The following TBPL1 variants were observed in gnomAD, a reference collection of about 807,000 sequenced individuals.
TBPL1 encodes TATA box-binding protein-like 1.
A neutral mutation model predicts 22.1 loss-of-function variants in TBPL1; 4 were observed. The observed-to-expected ratio is 0.18, with a 90% CI of 0.09 to 0.41. TBPL1 has a LOEUF of 0.41. Ranked by LOEUF, TBPL1 falls within the 10% of genes least tolerant of loss-of-function variation. The pLI is 1.00. For missense variants in TBPL1, 115 were observed against 222.3 expected, an observed-to-expected ratio of 0.52 and a Z score of 3.07; for synonymous variants, 64 against 71.0, an observed-to-expected ratio of 0.90 and a Z score of 0.50.
chr6:133,967,161 A>G (rs1163226164), intron 1 of TBPL1, among the ~76,000 whole-genome samples: 3 of 152,112 alleles, frequency 2.0e-5, no homozygotes, highest in African/African-American at 7.2e-5. Flanking sequence ...TGTTTCCTGA[A>G]CCGAGTCTGT....
upstream of TBPL1, chr6:133,952,657 A>C (rs532475803): frequency 2.6e-5 from 4 of 152,282 alleles, no homozygotes; most frequent in East Asian, 5.8e-4. This position sits in a 1 kb window ranked among gnomAD's most constrained non-coding sequence, Gnocchi z 4.5. Context: ...TCGCGACATC[A>C]TAAATTAACG....
chr6:133,982,704 A>G, intron 3 of TBPL1, 54 bp downstream of exon 3: 1 of 1,597,074 alleles, frequency 6.3e-7, no homozygotes, highest in South Asian at 1.1e-5. Context: ...CCTCATGGAA[A>G]GGACATTTTC....
chr6:133,975,184 G>A (rs1046836805), intron 1 of TBPL1, among the ~76,000 whole-genome samples: 14 of 152,002 alleles, frequency 9.2e-5, no homozygotes, highest in Admixed American at 8.5e-4. Context: ...CAAGATTGAC[G>A]AGAGCAATAA....
At chr6:133,969,406 C>T (rs1776180047) in intron 1 of TBPL1, among the ~76,000 whole-genome samples, 1 of 151,832 alleles carries the variant, frequency 6.6e-6, no homozygotes, top group Non-Finnish European at 1.5e-5. Context: ...TGAATGCTAC[C>T]TGCTTAACAG....
At chr6:133,984,198 G>C (rs570067243) in intron 4 of TBPL1, among the ~76,000 whole-genome samples, 178 bp from the exon 5 acceptor site, 1 of 152,072 alleles carries the variant, frequency 6.6e-6, no homozygotes, top group African/African-American at 2.4e-5. Flanking sequence ...GAGTTTTTGA[G>C]CTTTTTAAAA....
chr6:133,963,267 A>G (rs1242301963), intron 1 of TBPL1, among the ~76,000 whole-genome samples: 6 of 152,220 alleles, frequency 3.9e-5, no homozygotes, highest in African/African-American at 1.4e-4. Context: ...TAATTACCCT[A>G]TGATGGTGTT....
At chr6:133,954,226 C>A (rs993246686) in intron 1 of TBPL1, among the ~76,000 whole-genome samples, 1 of 152,192 alleles carries the variant, frequency 6.6e-6, no homozygotes, top group African/African-American at 2.4e-5. Context: ...CTGTCACCTG[C>A]AGTTCCAAAG....
rs9493788 is a variant in TBPL1 at position 133,985,345 on chromosome 6, T to C, written c.481+674T>C. Among the ~76,000 whole-genome samples, 881 of 122,584 alleles carry C rather than the reference T, an allele frequency of 7.2e-3. 73 individuals carry two copies. Among genetic ancestry groups the C allele is most frequent in the African/African-American group, 0.027 (824 of 30,350 alleles). 80.4% of individuals were successfully genotyped at this position (122,584 alleles called of 152,430 possible). On this transcript the variant is annotated intron_variant, in intron 6 of 6. Coordinates refer to ENST00000237264, the MANE Select transcript of TBPL1 (RefSeq NM_004865.4). ...ATATATATATATATATATACACACA[T>C]ATATTTTCTGGTATATGTATCCATA... is the stretch of plus-strand genomic sequence containing the variant.
intron 1 of TBPL1, among the ~76,000 whole-genome samples, chr6:133,961,561 C>T (rs779065878): frequency 1.3e-4 from 19 of 150,948 alleles, no homozygotes; most frequent in Non-Finnish European, 2.2e-4. Context: ...CTCCGCCTCC[C>T]GAGTTCAAGC....
intron 6 of TBPL1, chr6:133,985,868 T>A (rs1385137780): frequency 6.6e-6 from 1 of 152,198 alleles, no homozygotes; most frequent in Non-Finnish European, 1.5e-5. Context: ...CGAGTCTGTT[T>A]GTTCCCTTCT....
chr6:133,986,143 G>A (rs1051635276), intron 6 of TBPL1, among the ~76,000 whole-genome samples: 1 of 152,166 alleles, frequency 6.6e-6, no homozygotes, highest in Non-Finnish European at 1.5e-5. Flanking sequence ...TGGGGGTAAA[G>A]TGAGTCAGGA....
chr6:133,974,459 G>A (rs1313626456), intron 1 of TBPL1, among the ~76,000 whole-genome samples: 3 of 152,148 alleles, frequency 2.0e-5, no homozygotes, highest in Non-Finnish European at 4.4e-5. Context: ...TCAGCCTCCT[G>A]AGTAGCTGGG....
Position 133,980,149 on chromosome 6 carries a change from A to G in TBPL1, c.24A>G (p.Ala8=), listed in dbSNP as rs762852374. The G allele has an allele frequency of 2.5e-6, 4 of 1,598,312 alleles. No homozygotes were observed. Among genetic ancestry groups the G allele is most frequent in the Non-Finnish European group, 3.4e-6 (4 of 1,173,232 alleles). MDADSDV[A]LDILITNVVC... ...CAATGGATGCAGACAGTGATGTTGCATTGGACATTCTAATTACAAATGTAG... is the reference window on the plus strand; with the variant it reads ...CAATGGATGCAGACAGTGATGTTGCGTTGGACATTCTAATTACAAATGTAG... Residue 8 remains alanine, a synonymous_variant, in exon 2 of 7, where the codon GCA becomes GCG. Transcript: ENST00000237264.
intron 6 of TBPL1, among the ~76,000 whole-genome samples, chr6:133,985,337 TAC>T (rs60174070): frequency 1.8e-5 from 1 of 55,018 alleles, no homozygotes; most frequent in Non-Finnish European, 4.1e-5. Flanking sequence ...TATATATATA[TAC>T]ACACATATAT....
Position 133,987,660 on chromosome 6 carries a change from A to ATATATATATATATATG in TBPL1, c.*627_*628insATATATATGTATATAT, listed in dbSNP as rs1014795332. The ATATATATATATATATG allele has an allele frequency of 2.8e-5, 4 of 145,104 alleles. No individual in the cohort carries two copies. Among genetic ancestry groups the ATATATATATATATATG allele is most frequent in the South Asian group, 2.2e-4 (1 of 4,522 alleles). The allele number at this position is 145,104 out of a possible 1,614,324, so 9.0% of individuals were successfully genotyped here. On this transcript the variant is annotated 3_prime_UTR_variant, in exon 7 of 7. Coordinates refer to ENST00000237264, the MANE Select transcript of TBPL1 (RefSeq NM_004865.4). ...TGTGTGTGTGTGTGTATATATATATATATATATGCACCACATGTGTATAGT... is the reference window on the plus strand; with the variant it reads ...TGTGTGTGTGTGTGTATATATATATATATATATATATATATGTATATATGCACCACATGTGTATAGT...
chr6:133,985,167 T>C (rs1467219846), intron 6 of TBPL1, among the ~76,000 whole-genome samples: 1 of 149,856 alleles, frequency 6.7e-6, no homozygotes, highest in African/African-American at 2.5e-5. Flanking sequence ...TAGTCCCAGC[T>C]ATTCGGGAGG....
At position 133,986,403 on chromosome 6, in the gene TBPL1, C is replaced by CT. The variant is rs1016516451; in HGVS notation, c.482-551dup. Among the ~76,000 whole-genome samples, 22 of 152,210 alleles carry CT rather than the reference C, an allele frequency of 1.4e-4. 1 individual carries two copies. Among genetic ancestry groups the CT allele is most frequent in the Admixed American group, 6.5e-4 (10 of 15,292 alleles). On this transcript the variant is annotated intron_variant, in intron 6 of 6. Coordinates refer to ENST00000237264, the MANE Select transcript of TBPL1 (RefSeq NM_004865.4). ...TGCATGGTCACCTCGTAGCCTTGTGCTTTTTTTGTTTTCTATTGACTTGTA... is the reference window on the plus strand; with the variant it reads ...TGCATGGTCACCTCGTAGCCTTGTGCTTTTTTTTGTTTTCTATTGACTTGTA...
rs771074025 is a variant in TBPL1 at position 133,990,090 on chromosome 6, C to T, written c.*3050C>T. 6.6e-6 allele frequency: 1 copy of T among 152,656 alleles called. No homozygotes were observed. Among genetic ancestry groups the T allele is most frequent in the South Asian group, 2.1e-4 (1 of 4,832 alleles). 9.5% of individuals were successfully genotyped at this position (152,656 alleles called of 1,614,324 possible). ...TTCATCGTTGTGTGGGTGAAACCCA[C>T]GTTGCTGGTACAGGTGGCCATCATA... On this transcript the variant is annotated 3_prime_UTR_variant, in exon 7 of 7. Transcript: ENST00000237264.
At chr6:133,956,217 C>T (rs1328296195) in intron 1 of TBPL1, among the ~76,000 whole-genome samples, 1 of 152,098 alleles carries the variant, frequency 6.6e-6, no homozygotes, top group African/African-American at 2.4e-5. Flanking sequence ...AGAATGTTTC[C>T]ACATTGTCTC....
Sources: allele counts gnomAD v4.1 joint callset (sites outside exome capture counted in the v4.1 genomes callset), GRCh38; gene constraint gnomAD v4.1.1; non-coding constraint Gnocchi (gnomAD v3.1); transcripts MANE v1.5; gene names NCBI Gene and HGNC (gene_info 2026-07-23, HGNC 2026-07-21).